Variants in ADCY1 observed in about 807,000 individuals in gnomAD.
ADCY1 encodes the protein adenylate cyclase 1.
Under a neutral mutation model 105.4 loss-of-function variants are expected in ADCY1, and 28 were observed. That is an observed-to-expected ratio of 0.27 (90% CI 0.20 to 0.36). The LOEUF (loss-of-function observed/expected upper bound fraction) is 0.36, where lower values mean the gene tolerates loss of function less well. ADCY1 is among the 10% of genes least tolerant of loss of function. The pLI, the probability that ADCY1 is intolerant of heterozygous loss-of-function variation, is 1.00. For missense variants in ADCY1, 977 were observed against 1,434.2 expected (o/e 0.68, Z 5.15); for synonymous variants, 655 against 623.8 (o/e 1.05, Z -0.75).
At chr7:45,636,727 G>T (rs1221635595) in intron 4 of ADCY1, among the ~76,000 whole-genome samples, 1 of 152,204 alleles carries the variant, frequency 6.6e-6, no homozygotes, top group Admixed American at 6.5e-5. Context: ...TTTTAGTAGA[G>T]AAGGGTGTTC....
In ADCY1 at chr7:45,642,887, T is replaced by G. The variant is rs543923445; in HGVS notation, c.1021-5783T>G. On this transcript the variant is annotated intron_variant, in intron 4 of 19. Coordinates refer to ENST00000297323, the MANE Select transcript of ADCY1 (RefSeq NM_021116.4). ...TTCAGCATTATTAGCTCATGATTTT[T>G]TCTAAAAAAGAATACTTATTCAGCT... is the stretch of plus-strand genomic sequence containing the variant. 9.2e-5 allele frequency among the ~76,000 whole-genome samples: 14 copies of G among 152,314 alleles called. 1 individual carries two copies. In the South Asian group the frequency reaches 2.9e-3, roughly 32 times the overall value.
Position 45,664,713 on chromosome 7 carries a change from A to G in ADCY1, c.1605+2499A>G, listed in dbSNP as rs1404310781. 2.2e-5 allele frequency: 5 copies of G among 229,154 alleles called. No individual in the cohort carries two copies. The Admixed American group carries it at 2.5e-4, about 12-fold the overall frequency. 14.2% of individuals were successfully genotyped at this position (229,154 alleles called of 1,614,324 possible). A position where few individuals can be genotyped will look rare whatever the true frequency, so the allele number is the denominator to read the frequency against. On this transcript the variant is annotated intron_variant, in intron 8 of 19. Transcript: ENST00000297323. ...TGCTTGTTTTTTTTTTTAATTGCCA[A>G]TATATCATAAACATTTCCTTCCATT...
rs1430485915 is a variant in ADCY1, at chr7:45,669,114, T to TC, written c.1605+6900_1605+6901insC. 1.1e-4 allele frequency among the ~76,000 whole-genome samples: 16 copies of TC among 152,366 alleles called. No individual in the cohort carries two copies. The South Asian group carries it at 2.7e-3, about 26-fold the overall frequency. ...ATTCATTGATTTTTTGAAGGGTTTT[T>TC]GTGTCTCTATCTCTTTCAGTTCTGC... On this transcript the variant is annotated intron_variant, in intron 8 of 19. Coordinates refer to ENST00000297323, the MANE Select transcript of ADCY1 (RefSeq NM_021116.4).
intron 5 of ADCY1, among the ~76,000 whole-genome samples, chr7:45,656,302 CAAAA>C (rs199852262): frequency 9.1e-6 from 1 of 110,488 alleles, no homozygotes. Context: ...AACTCCGTCT[CAAAA>C]AAAAAAAAAA....
Position 45,704,511 on chromosome 7 carries a change from A to C in ADCY1, c.2719-7A>C, listed in dbSNP as rs909017865. On this transcript the variant is annotated splice_polypyrimidine_tract_variant and splice_region_variant and intron_variant, in intron 16 of 19. Transcript: ENST00000297323. ...TCATGTTTAACAGTTTTATGTTTTAAACAAAGCTCATGGAAAAAGACTTTT... is the reference window on the plus strand; with the variant it reads ...TCATGTTTAACAGTTTTATGTTTTACACAAAGCTCATGGAAAAAGACTTTT... 35 of 1,613,350 alleles carry C rather than the reference A, an allele frequency of 2.2e-5. No homozygotes were observed. The highest frequency in any genetic ancestry group is 2.8e-5 in the Non-Finnish European group (33 of 1,179,536).
chr7:45,574,689 TC>T lies in ADCY1; in HGVS notation c.148del (p.Arg50AlafsTer13). Reference protein sequence around the residue: ...EFACPELEALFRGYTLRLEQA... With the variant: ...EFACPELEALXRGYTLRLEQA... ...GCTTGCCCAGAGCTGGAGGCGCTGT[TC>T]CGCGGCTACACGCTGCGGCTGGAGC... is the stretch of plus-strand genomic sequence containing the variant. On this transcript the variant is annotated frameshift_variant, in exon 1 of 20. Coordinates refer to ENST00000297323, the MANE Select transcript of ADCY1 (RefSeq NM_021116.4). LOFTEE classifies it high-confidence loss of function. This position sits in a 1 kb window ranked among gnomAD's most constrained non-coding sequence, Gnocchi z 7.0. 1 of 1,395,350 alleles carries T rather than the reference TC, an allele frequency of 7.2e-7. No individual in the cohort carries two copies. Among genetic ancestry groups the T allele is most frequent in the Non-Finnish European group, 9.3e-7 (1 of 1,079,704 alleles). 86.4% of individuals were successfully genotyped at this position (1,395,350 alleles called of 1,614,324 possible). A position where few individuals can be genotyped will look rare whatever the true frequency, so the allele number is the denominator to read the frequency against.
intron 2 of ADCY1, among the ~76,000 whole-genome samples, chr7:45,609,728 A>G (rs1000206544): frequency 2.6e-5 from 4 of 152,166 alleles, no homozygotes; most frequent in African/African-American, 9.6e-5. Context: ...CAACTGGAGG[A>G]TGAGAATCAA....
chr7:45,713,868 G>A lies in ADCY1; in HGVS notation c.3233G>A (p.Gly1078Glu), dbSNP rs746729749. 8 of 780,676 alleles carry A rather than the reference G, an allele frequency of 1.0e-5. No homozygotes were observed. Among genetic ancestry groups the A allele is most frequent in the African/African-American group, 1.7e-5 (1 of 59,152 alleles). The allele number at this position is 780,676 out of a possible 1,614,324, so 48.4% of individuals were successfully genotyped here. A position where few individuals can be genotyped will look rare whatever the true frequency, so the allele number is the denominator to read the frequency against. The change falls in exon 20 of 20, where the codon GGG becomes GAG. Residue 1078 changes from glycine to glutamate, a missense_variant. Transcript: ENST00000297323. ...LGLDRKMCPF[G>E]RAGLQGRRPP... Reference sequence around the variant, plus strand: ...TTGGATCGGAAAATGTGTCCATTTGGGAGAGCTGGCCTTCAGGGCAGACGT... The same window carrying A: ...TTGGATCGGAAAATGTGTCCATTTGAGAGAGCTGGCCTTCAGGGCAGACGT...
At chr7:45,676,088 T>C (rs1784451842) in intron 8 of ADCY1, among the ~76,000 whole-genome samples, 1 of 152,048 alleles carries the variant, frequency 6.6e-6, no homozygotes, top group Non-Finnish European at 1.5e-5. Context: ...ATTGTTCAGA[T>C]TGGATAATTT....
chr7:45,610,796 G>GTTAGGAGGTGATGGTGGATA (rs1562687118), intron 3 of ADCY1, among the ~76,000 whole-genome samples: 1 of 103,642 alleles, frequency 9.6e-6, no homozygotes, highest in Non-Finnish European at 2.1e-5. Flanking sequence ...GATGGTGGAG[G>GTTAGGAGGTGATGGTGGATA]TGGGGAGGTG....
At chr7:45,612,988 C>G (rs956669577) in intron 3 of ADCY1, among the ~76,000 whole-genome samples, 1 of 152,130 alleles carries the variant, frequency 6.6e-6, no homozygotes, top group Non-Finnish European at 1.5e-5. Flanking sequence ...TGTACAGGAC[C>G]GGTCCATGAA....
Position 45,703,810 on chromosome 7 carries a change from A to G in ADCY1, c.2718+64A>G. 1.3e-6 allele frequency: 2 copies of G among 1,508,284 alleles called. No homozygotes were observed. The highest frequency in any genetic ancestry group is 4.4e-5 in the Admixed American group (2 of 45,492). 93.4% of individuals were successfully genotyped at this position (1,508,284 alleles called of 1,614,324 possible). On this transcript the variant is annotated intron_variant, in intron 16 of 19. Transcript: ENST00000297323. This position sits in a 1 kb window ranked among gnomAD's most constrained non-coding sequence, Gnocchi z 5.9. The stretch of plus-strand genomic sequence containing the variant: ...TGGTGGTGCATCCTGTTGCGTGGGC[A>G]GAGCGTGTCTCACAATATGTCACAT...
intron 2 of ADCY1, among the ~76,000 whole-genome samples, chr7:45,601,403 G>A (rs1345194095): frequency 1.3e-5 from 2 of 152,192 alleles, no homozygotes; most frequent in Non-Finnish European, 2.9e-5. Context: ...TGTGGGTGAT[G>A]AGGGGCGGTG....
chr7:45,629,175 T>G (rs34748506), intron 4 of ADCY1, among the ~76,000 whole-genome samples: 2 of 152,234 alleles, frequency 1.3e-5, no homozygotes, highest in Non-Finnish European at 2.9e-5. Flanking sequence ...AGTTGGAATT[T>G]TCTAGAACCT....
intron 4 of ADCY1, among the ~76,000 whole-genome samples, chr7:45,631,964 C>T (rs901875495): frequency 1.1e-4 from 16 of 152,152 alleles, no homozygotes; most frequent in Admixed American, 9.2e-4. Context: ...GTTTATAATA[C>T]ATTTGGAGTT....
In ADCY1 at chr7:45,574,831, G is replaced by A. The variant is rs775165471; in HGVS notation, c.288G>A (p.Pro96=). ...CCGGCCTGGCCAAGGGCTCACACCC[G>A]GTGCACTGCGTCCTCTTCCTGGCGC... The part of the protein sequence containing the change: ...PAPGLAKGSH[P]VHCVLFLALL... The change falls in exon 1 of 20, where the codon CCG becomes CCA. Residue 96 remains proline (P), a synonymous_variant. Coordinates refer to ENST00000297323, the MANE Select transcript of ADCY1 (RefSeq NM_021116.4). The surrounding 1 kb of genome is among the most constrained non-coding windows in gnomAD (Gnocchi z 7.0). The A allele has an allele frequency of 1.9e-6, 3 of 1,609,920 alleles. No homozygotes were observed. The highest frequency in any genetic ancestry group is 1.7e-5 in the Admixed American group (1 of 59,978).
At position 45,648,670 on chromosome 7, in the gene ADCY1, G is replaced by A; in HGVS notation, c.1021G>A (p.Glu341Lys). The A allele has an allele frequency of 6.2e-7, 1 of 1,614,128 alleles. No homozygotes were observed. Among genetic ancestry groups the A allele is most frequent in the Non-Finnish European group, 8.5e-7 (1 of 1,180,018 alleles). The change falls in exon 5 of 20, where the codon GAG (glutamate) becomes AAG (lysine). Residue 341 changes from glutamate (E) to lysine (K), a missense_variant and splice_region_variant. Physicochemically the swap from Glu to Lys is moderately conservative, Grantham distance 56. This residue lies in a region of ADCY1 where 196 missense variants were observed against 347.8 expected (regional missense o/e 0.56). Transcript: ENST00000297323. Reference sequence around the variant, plus strand: ...CCATGTGCCTTGCCCTTCCCTGAAGGAGAACCACTGTCGCCGCATCAAGAT... The same window carrying A: ...CCATGTGCCTTGCCCTTCCCTGAAGAAGAACCACTGTCGCCGCATCAAGAT... ...LFGKFDELATENHCRRIKILG... is the reference protein window; with the variant it reads ...LFGKFDELATKNHCRRIKILG...
intron 2 of ADCY1, among the ~76,000 whole-genome samples, chr7:45,594,987 A>T (rs1793032245): frequency 6.6e-6 from 1 of 152,212 alleles, no homozygotes; most frequent in Non-Finnish European, 1.5e-5. Context: ...GATTTAAAAC[A>T]TCTGCTTATT....
At chr7:45,598,461 T>C (rs1463627429) in intron 2 of ADCY1, among the ~76,000 whole-genome samples, 1 of 152,154 alleles carries the variant, frequency 6.6e-6, no homozygotes, top group African/African-American at 2.4e-5. Flanking sequence ...TTAAAGAGAC[T>C]GATCAAGAAG....
Sources: gnomAD v4.1 joint callset for allele counts (sites outside exome capture counted in the v4.1 genomes callset) on GRCh38, gnomAD v4.1.1 for gene constraint, gnomAD v4.1.1 regional missense constraint, Gnocchi (gnomAD v3.1) non-coding constraint, MANE v1.5 for transcripts, NCBI Gene and HGNC (gene_info 2026-07-23, HGNC 2026-07-21) for gene names.